Variants in ADAMTSL3 observed in about 807,000 individuals in gnomAD.
ADAMTSL3 encodes the protein ADAMTS like 3.
In ADAMTSL3, 128 loss-of-function variants were observed where a neutral mutation model predicts 201.7. The observed-to-expected ratio is 0.63, with a 90% CI of 0.55 to 0.73. The LOEUF is 0.73. Ranked by LOEUF, ADAMTSL3 falls within the 30% of genes least tolerant of loss-of-function variation. ADAMTSL3 has a pLI of 0.00. For synonymous variants in ADAMTSL3, 738 were observed against 748.4 expected (o/e 0.99, Z 0.23); for missense variants, 1,990 against 2,119.6 (o/e 0.94, Z 1.20).
At chr15:83,728,799 T>C (rs2062221352) in intron 3 of ADAMTSL3, among the ~76,000 whole-genome samples, 1 of 152,112 alleles carries the variant, frequency 6.6e-6, no homozygotes, top group African/African-American at 2.4e-5. Context: ...ACAATTACAG[T>C]GTCATAATAT....
At chr15:83,728,516 T>G (rs1445975699) in intron 3 of ADAMTSL3, among the ~76,000 whole-genome samples, 2 of 151,948 alleles carry the variant, frequency 1.3e-5, no homozygotes, top group Non-Finnish European at 2.9e-5. Flanking sequence ...GTTGTATGCT[T>G]TTTGATTTGA....
intron 28 of ADAMTSL3, among the ~76,000 whole-genome samples, chr15:84,033,255 C>A (rs2068441386): frequency 6.6e-6 from 1 of 152,088 alleles, no homozygotes; most frequent in Non-Finnish European, 1.5e-5. Flanking sequence ...TTCCCAGATG[C>A]AAATCTGATC....
chr15:84,025,145 T>G, intron 26 of ADAMTSL3, 93 bp from the exon 27 acceptor site: 1 of 1,047,560 alleles, frequency 9.5e-7, no homozygotes, highest in Non-Finnish European at 1.4e-6. Flanking sequence ...AAGATAGCCA[T>G]GGTGTTGGGA....
chr15:83,724,906 A>G (rs2062151225), intron 3 of ADAMTSL3, among the ~76,000 whole-genome samples: 1 of 152,122 alleles, frequency 6.6e-6, no homozygotes, highest in South Asian at 2.1e-4. Flanking sequence ...ATGGCTGAAG[A>G]GTACTCCATT....
intron 5 of ADAMTSL3, 101 bp downstream of exon 5, chr15:83,804,796 C>G: frequency 1.2e-6 from 1 of 844,322 alleles, no homozygotes; most frequent in Non-Finnish European, 1.7e-6. Flanking sequence ...TCTTAATACC[C>G]TTTGTGGAAA....
chr15:83,888,402 GAT>G (rs2065439698), intron 10 of ADAMTSL3, among the ~76,000 whole-genome samples: 1 of 115,890 alleles, frequency 8.6e-6, no homozygotes, highest in Admixed American at 1.1e-4. Flanking sequence ...TTAGAACAAA[GAT>G]TTTTTTTTTC....
At chr15:83,737,830 C>T (rs1308622616) in intron 3 of ADAMTSL3, among the ~76,000 whole-genome samples, 2 of 152,146 alleles carry the variant, frequency 1.3e-5, no homozygotes, top group East Asian at 3.9e-4. Context: ...CCAGAAAACA[C>T]TCATATTACA....
intron 3 of ADAMTSL3, among the ~76,000 whole-genome samples, chr15:83,709,069 A>C (rs1158577023): frequency 1.3e-5 from 2 of 152,226 alleles, no homozygotes; most frequent in African/African-American, 4.8e-5. Flanking sequence ...GTTTACAGTT[A>C]GTAGAGCTTT....
chr15:84,025,293 A>G lies in ADAMTSL3; in HGVS notation c.4513A>G (p.Ser1505Gly). The G allele has an allele frequency of 3.1e-6, 5 of 1,614,054 alleles. No homozygotes were observed. Among genetic ancestry groups the G allele is most frequent in the Non-Finnish European group, 4.2e-6 (5 of 1,179,950 alleles). ...CSVSCGEGYH[S>G]RQVTCKRTKA... Reference sequence around the variant, plus strand: ...TGTGTCTTGCGGTGAAGGATACCACAGTCGGCAGGTGACGTGCAAGCGGAC... The same window carrying G: ...TGTGTCTTGCGGTGAAGGATACCACGGTCGGCAGGTGACGTGCAAGCGGAC... Residue 1505 changes from serine to glycine, a missense_variant, in exon 27 of 30, where the codon AGT (serine) becomes GGT (glycine). Transcript: ENST00000286744.
chr15:83,687,153 A>G (rs1423809960), intron 2 of ADAMTSL3, among the ~76,000 whole-genome samples: 3 of 152,176 alleles, frequency 2.0e-5, no homozygotes, highest in East Asian at 1.9e-4. Flanking sequence ...GCAGTGAGCT[A>G]TGATTGTACC....
intron 28 of ADAMTSL3, among the ~76,000 whole-genome samples, chr15:84,035,122 A>G (rs11637666): frequency 0.18 from 27,328 of 152,084 alleles, 3,188 homozygotes; most frequent in Middle Eastern, 0.37. Context: ...GTGTTGGTCC[A>G]TAGCTCCCTG....
intron 5 of ADAMTSL3, among the ~76,000 whole-genome samples, chr15:83,819,131 G>T (rs543701657): frequency 6.6e-6 from 1 of 151,936 alleles, no homozygotes; most frequent in South Asian, 2.1e-4. Flanking sequence ...TAAGCTGGGC[G>T]TGGTGGCGGG....
chr15:83,951,230 A>G (rs2142062512), intron 19 of ADAMTSL3, among the ~76,000 whole-genome samples: 1 of 151,630 alleles, frequency 6.6e-6, no homozygotes, highest in South Asian at 2.1e-4. Context: ...TCATGAAGGG[A>G]TGTTAAATTT....
intron 9 of ADAMTSL3, among the ~76,000 whole-genome samples, chr15:83,880,043 C>A (rs1259433272): frequency 1.3e-5 from 2 of 151,996 alleles, no homozygotes; most frequent in Admixed American, 6.6e-5. Context: ...GTAATTTGTC[C>A]TTTTTCTTCA....
chr15:83,922,263 C>A (rs116132581), intron 16 of ADAMTSL3, among the ~76,000 whole-genome samples: 2,314 of 152,162 alleles, frequency 0.015, 60 homozygotes, highest in African/African-American at 0.05. Flanking sequence ...CAATAAGTAT[C>A]CTAAACACCT....
chr15:83,872,147 A>G, intron 9 of ADAMTSL3, among the ~76,000 whole-genome samples: 1 of 152,212 alleles, frequency 6.6e-6, no homozygotes. Context: ...TTAAAAATCA[A>G]GAGATTTTTA....
rs1033045752 is a variant in ADAMTSL3 at position 83,654,647 on chromosome 15, C to G, written c.-34+371C>G. 6.6e-6 allele frequency among the ~76,000 whole-genome samples: 1 copy of G among 152,092 alleles called. No homozygotes were observed. Among genetic ancestry groups the G allele is most frequent in the Non-Finnish European group, 1.5e-5 (1 of 68,024 alleles). On this transcript the variant is annotated intron_variant, in intron 1 of 29. Coordinates refer to ENST00000286744, the MANE Select transcript of ADAMTSL3 (RefSeq NM_207517.3). The surrounding 1 kb of genome is among the most constrained non-coding windows in gnomAD (Gnocchi z 5.3). ...GGCCGGTTGACCACTGGGTAGCGAG[C>G]GCCCAGAACGCCGGGGGTTGAGGCG...
At chr15:83,784,079 G>C (rs2063221094) in intron 4 of ADAMTSL3, among the ~76,000 whole-genome samples, 2 of 152,176 alleles carry the variant, frequency 1.3e-5, no homozygotes, top group Non-Finnish European at 2.9e-5. Flanking sequence ...CATTGCCTTT[G>C]TGTCAGTGAA....
intron 3 of ADAMTSL3, among the ~76,000 whole-genome samples, chr15:83,768,958 A>G (rs1172312996): frequency 2.6e-5 from 4 of 152,154 alleles, no homozygotes; most frequent in Non-Finnish European, 4.4e-5. Flanking sequence ...TGAGGAGAGG[A>G]GAAACACTCA....
Sources: allele counts gnomAD v4.1 joint callset (sites outside exome capture counted in the v4.1 genomes callset), GRCh38; gene constraint gnomAD v4.1.1; non-coding constraint Gnocchi (gnomAD v3.1); transcripts MANE v1.5; gene names NCBI Gene and HGNC (gene_info 2026-07-23, HGNC 2026-07-21).